PLXNB1: variants seen among roughly 807,000 people sequenced by gnomAD.
PLXNB1 encodes the protein plexin B1, also known as plexin-B1.
Under a neutral mutation model 209.4 loss-of-function variants are expected in PLXNB1, and 106 were observed. The observed-to-expected ratio is 0.51, with a 90% CI of 0.43 to 0.59. The LOEUF is 0.59. Among genes scored for constraint, PLXNB1 ranks in the 20% least tolerant of loss-of-function variants. The probability of loss-of-function intolerance (pLI) is 0.00; values close to 1 mark genes in which losing one functional copy is unlikely to be tolerated. For synonymous variants in PLXNB1, 1,167 were observed against 1,183.2 expected, an observed-to-expected ratio of 0.99 and a Z score of 0.28; for missense variants, 2,357 against 2,853.2, an observed-to-expected ratio of 0.83 and a Z score of 3.96.
intron 10 of PLXNB1, 46 bp downstream of exon 10, chr3:48,420,619 G>C (rs771152083): frequency 1.4e-6 from 2 of 1,481,220 alleles, no homozygotes; most frequent in Non-Finnish European, 1.9e-6. Flanking sequence ...TCTCACACTG[G>C]GACCCCCAAC....
At position 48,409,555 on chromosome 3, in the gene PLXNB1, C is replaced by A. The variant is rs553803489; in HGVS notation, c.5939+16G>T. 1.9e-6 allele frequency: 3 copies of A among 1,613,614 alleles called. No individual in the cohort carries two copies. Among genetic ancestry groups the A allele is most frequent in the Non-Finnish European group, 2.5e-6 (3 of 1,179,652 alleles). On this transcript the variant is annotated intron_variant, in intron 33 of 37. Transcript: ENST00000296440. The surrounding 1 kb of genome is among the most constrained non-coding windows in gnomAD (Gnocchi z 5.8). Reference sequence around the variant, plus strand: ...ACCCCCCACACACACCTAGAGCCCACCCAGCTCCACCCCACCTGTTGGTCT... The same window carrying A: ...ACCCCCCACACACACCTAGAGCCCAACCAGCTCCACCCCACCTGTTGGTCT...
chr3:48,420,899 G>T lies in PLXNB1; in HGVS notation c.1868C>A (p.Ser623Tyr). ...RFGAVVIAKT[S>Y]LSFYDCVAVT... Reference sequence around the variant, plus strand: ...CGCCACACAGTCATAGAAAGAGAGGGAAGTTTTGGCGATCACAACAGCGCC... The same window carrying T: ...CGCCACACAGTCATAGAAAGAGAGGTAAGTTTTGGCGATCACAACAGCGCC... The change falls in exon 9 of 38, where the codon TCC (serine) becomes TAC (tyrosine). Residue 623 changes from serine (S) to tyrosine (Y), a missense_variant. By Grantham distance (144) the Ser-to-Tyr change is moderately radical. This residue lies in a region of PLXNB1 where 214 missense variants were observed against 297.1 expected (regional missense o/e 0.72). Transcript: ENST00000296440. 1 of 1,614,126 alleles carries T rather than the reference G, an allele frequency of 6.2e-7. No individual in the cohort carries two copies. The highest frequency in any genetic ancestry group is 8.5e-7 in the Non-Finnish European group (1 of 1,179,968).
chr3:48,420,327 G>T (rs1406724161), intron 10 of PLXNB1, 70 bp from the exon 11 acceptor site: 1 of 855,996 alleles, frequency 1.2e-6, no homozygotes, highest in African/African-American at 1.7e-5. Context: ...AGGCAGGCAG[G>T]CACAGTGTAT....
At position 48,420,180 on chromosome 3, in the gene PLXNB1, G is replaced by C; in HGVS notation, c.2106C>G (p.Ala702=). ...CGGGAAGGGTGTCAGGAGCAGGGGT[G>C]GCCAGGGCTTTGGGGGCTGTGGGTG... ...PSPPTAPKAL[A]TPAPDTLPVE... The change falls in exon 11 of 38, where the codon GCC becomes GCG. Residue 702 remains alanine (A), a synonymous_variant. Coordinates refer to ENST00000296440, the MANE Select transcript of PLXNB1 (RefSeq NM_001130082.3). 1 of 1,590,672 alleles carries C rather than the reference G, an allele frequency of 6.3e-7. No individual in the cohort carries two copies. Among genetic ancestry groups the C allele is most frequent in the African/African-American group, 1.3e-5 (1 of 74,488 alleles).
rs2037882359 is a variant in PLXNB1 at position 48,413,948 on chromosome 3, G to T, written c.4333C>A (p.Leu1445Met). ...TCTCGGAGGGCATGGTGCCGTGGCA[G>T]GGGCTGCTCCACGGGGGGCTCGCAG... ...LYCEPPVEQP[L>M]PRHHALREAP... Residue 1445 changes from leucine to methionine, a missense_variant, in exon 22 of 38, where the codon CTG (leucine) becomes ATG (methionine). Coordinates refer to ENST00000296440, the MANE Select transcript of PLXNB1 (RefSeq NM_001130082.3). The surrounding 1 kb of genome is among the most constrained non-coding windows in gnomAD (Gnocchi z 5.4). 1.2e-6 allele frequency: 2 copies of T among 1,613,174 alleles called. No homozygotes were observed. The highest frequency in any genetic ancestry group is 2.7e-5 in the African/African-American group (2 of 74,938).
chr3:48,420,026 G>A lies in PLXNB1; in HGVS notation c.2260C>T (p.Pro754Ser). The change falls in exon 11 of 38, where the codon CCT becomes TCT. Residue 754 changes from proline to serine, a missense_variant. By Grantham distance (74) the Pro-to-Ser change is moderately conservative (BLOSUM62 -1). Transcript: ENST00000296440. ...SISSPGSTGS[P>S]LHEEPSPPSP... ...GGAGGGGAGGGCTCCTCATGGAGAGGCGACCCTGTGGAGCCAGGGGAAGAT... is the reference window on the plus strand; with the variant it reads ...GGAGGGGAGGGCTCCTCATGGAGAGACGACCCTGTGGAGCCAGGGGAAGAT... 1.2e-6 allele frequency: 2 copies of A among 1,608,888 alleles called. No homozygotes were observed. Among genetic ancestry groups the A allele is most frequent in the Non-Finnish European group, 8.5e-7 (1 of 1,176,668 alleles).
At chr3:48,425,805 AACACACACACACACAC>A (rs1166591503) in intron 1 of PLXNB1, among the ~76,000 whole-genome samples, 3 of 145,382 alleles carry the variant, frequency 2.1e-5, no homozygotes, top group Admixed American at 2.1e-4. Flanking sequence ...ATATGCCTAC[AACACACACACACACAC>A]ACACACACAC....
rs550846457 is a variant in PLXNB1 at position 48,420,156 on chromosome 3, G to C, written c.2130C>G (p.Pro710=). The C allele has an allele frequency of 1.1e-5, 18 of 1,607,368 alleles. No homozygotes were observed. The highest frequency in any genetic ancestry group is 9.4e-5 in the African/African-American group (7 of 74,850). The change falls in exon 11 of 38, where the codon CCC becomes CCG. Residue 710 remains proline, a synonymous_variant. Transcript: ENST00000296440. ...CTGTGGAGGGAGCCCCAGGCTCCAC[G>C]GGAAGGGTGTCAGGAGCAGGGGTGG... ...ALATPAPDTL[P]VEPGAPSTAT...
Position 48,405,585 on chromosome 3 carries a change from C to G in PLXNB1, c.6303+139G>C, listed in dbSNP as rs1560042111. ...GCCCGCCTGGAAAACACTTCTCAAG[C>G]CACCAAGGGGCCCGGCCCCCCACTA... On this transcript the variant is annotated intron_variant, in intron 37 of 37. Coordinates refer to ENST00000296440, the MANE Select transcript of PLXNB1 (RefSeq NM_001130082.3). The surrounding 1 kb of genome is among the most constrained non-coding windows in gnomAD (Gnocchi z 5.0). 1.5e-6 allele frequency: 1 copy of G among 646,332 alleles called. No homozygotes were observed. 40.0% of individuals were successfully genotyped at this position (646,332 alleles called of 1,614,324 possible).
intron 1 of PLXNB1, among the ~76,000 whole-genome samples, chr3:48,428,992 G>A (rs1053163089): frequency 1.3e-5 from 2 of 152,210 alleles, no homozygotes; most frequent in African/African-American, 4.8e-5. Flanking sequence ...CTGGGAGGGC[G>A]GGGAAGGGGC....
intron 8 of PLXNB1, 27 bp downstream of exon 8, chr3:48,421,201 A>G (rs1324775138): frequency 2.1e-5 from 34 of 1,607,994 alleles, no homozygotes; most frequent in Non-Finnish European, 2.8e-5. Context: ...GCTGGCCCCC[A>G]CCAGGCTGGC....
At chr3:48,428,967 A>T (rs1458664022) in intron 1 of PLXNB1, among the ~76,000 whole-genome samples, 1 of 151,950 alleles carries the variant, frequency 6.6e-6, no homozygotes, top group East Asian at 1.9e-4. Flanking sequence ...CGAGGCGAGG[A>T]CCCCATCACT....
chr3:48,412,691 T>TGGAGAA, intron 25 of PLXNB1, 51 bp downstream of exon 25: 1 of 1,604,156 alleles, frequency 6.2e-7, no homozygotes, highest in Non-Finnish European at 8.5e-7. Flanking sequence ...AACCATGCCC[T>TGGAGAA]GGAGAAGGGG....
In PLXNB1 at chr3:48,414,884, T is replaced by A. The variant is rs567555715; in HGVS notation, c.4124A>T (p.Glu1375Val). 2 of 1,613,846 alleles carry A rather than the reference T, an allele frequency of 1.2e-6. No individual in the cohort carries two copies. The highest frequency in any genetic ancestry group is 1.7e-6 in the Non-Finnish European group (2 of 1,180,042). The change falls in exon 21 of 38, where the codon GAG (glutamate) becomes GTG (valine). Residue 1375 changes from glutamate (E) to valine (V), a missense_variant. By Grantham distance (121) the Glu-to-Val change is moderately radical (BLOSUM62 -2). Coordinates refer to ENST00000296440, the MANE Select transcript of PLXNB1 (RefSeq NM_001130082.3). ...ATLNPTPFSY[E>V]ADPTLQPLNP... is the part of the protein sequence containing the mutation. ...GAGTGGCTGCAGGGTGGGGTCGGCC[T>A]CATAGGAGAAAGGTGTGGGGTTCAG...
chr3:48,411,025 T>G lies in PLXNB1; in HGVS notation c.5259A>C (p.Ala1753=), dbSNP rs1350083201. The change falls in exon 29 of 38, where the codon GCA becomes GCC. Residue 1753 remains alanine (A), a synonymous_variant. Transcript: ENST00000296440. The surrounding 1 kb of genome is among the most constrained non-coding windows in gnomAD (Gnocchi z 4.0). ...CTGCCCCAGGCCCCACAGCCAATAG[T>G]GCATTCAAGGTCTGTGCAGGACACA... ...DVEYRPLTLN[A]LLAVGPGAGE... 1 of 1,613,364 alleles carries G rather than the reference T, an allele frequency of 6.2e-7. No individual in the cohort carries two copies. Among genetic ancestry groups the G allele is most frequent in the African/African-American group, 1.3e-5 (1 of 75,036 alleles).
In PLXNB1 at chr3:48,419,441, G is replaced by C; in HGVS notation, c.2710-75C>G. On this transcript the variant is annotated intron_variant, in intron 11 of 37. Coordinates refer to ENST00000296440, the MANE Select transcript of PLXNB1 (RefSeq NM_001130082.3). This position sits in a 1 kb window ranked among gnomAD's most constrained non-coding sequence, Gnocchi z 5.7. ...CAGCCCTCTGCCTTGCCAGATTCCAGAGGCAAGGCCGGTGTGGGGCTGCAG... is the reference window on the plus strand; with the variant it reads ...CAGCCCTCTGCCTTGCCAGATTCCACAGGCAAGGCCGGTGTGGGGCTGCAG... The C allele has an allele frequency of 2.0e-6, 3 of 1,509,322 alleles. No individual in the cohort carries two copies. The South Asian group carries it at 3.9e-5, about 20-fold the overall frequency. The allele number at this position is 1,509,322 out of a possible 1,614,324, so 93.5% of individuals were successfully genotyped here.
In PLXNB1 at chr3:48,423,457, GC is replaced by G. The variant is rs770047192; in HGVS notation, c.1107+47del. ...GCAGCTCCTTGGCTGCAAATGCTTGGCCAGTGGCCTCAGAGAGGCGGAAAAG... is the reference window on the plus strand; with the variant it reads ...GCAGCTCCTTGGCTGCAAATGCTTGGCAGTGGCCTCAGAGAGGCGGAAAAG... On this transcript the variant is annotated intron_variant, in intron 3 of 37. Transcript: ENST00000296440. 5 of 1,581,468 alleles carry G rather than the reference GC, an allele frequency of 3.2e-6. No individual in the cohort carries two copies. In the African/African-American group the frequency reaches 4.0e-5, roughly 13 times the overall value.
rs748256104 is a variant in PLXNB1, at chr3:48,404,535, C to T, written c.6359G>A (p.Arg2120Gln). Residue 2120 changes from arginine (R) to glutamine (Q), a missense_variant, in exon 38 of 38, where the codon CGG (arginine) becomes CAG (glutamine). Transcript: ENST00000296440. The stretch of plus-strand genomic sequence containing the variant: ...CACAGCAGCTGCAATCTGCTGGAGC[C>T]GATAGCCCAGCTGCATCTTCTGGGC... ...GTAQKMQLGY[R>Q]LQQIAAAVEN... 3.1e-6 allele frequency: 5 copies of T among 1,613,844 alleles called. No individual in the cohort carries two copies. The highest frequency in any genetic ancestry group is 3.3e-4 in the Middle Eastern group (2 of 6,058).
rs2037682150 is a variant in PLXNB1, at chr3:48,411,498, T to G, written c.5247+365A>C. ...ACCCAGAGAGAAGTGCCTGCCAGAGTGAGGCTGGCTTGGTGGGCAAGGCCG... is the reference window on the plus strand; with the variant it reads ...ACCCAGAGAGAAGTGCCTGCCAGAGGGAGGCTGGCTTGGTGGGCAAGGCCG... On this transcript the variant is annotated intron_variant, in intron 28 of 37. Coordinates refer to ENST00000296440, the MANE Select transcript of PLXNB1 (RefSeq NM_001130082.3). The surrounding 1 kb of genome is among the most constrained non-coding windows in gnomAD (Gnocchi z 4.0). Among the ~76,000 whole-genome samples, 1 of 151,920 alleles carries G rather than the reference T, an allele frequency of 6.6e-6. No homozygotes were observed. The highest frequency in any genetic ancestry group is 1.5e-5 in the Non-Finnish European group (1 of 67,968).
Sources: allele counts gnomAD v4.1 joint callset (sites outside exome capture counted in the v4.1 genomes callset), GRCh38; gene constraint gnomAD v4.1.1; regional missense constraint gnomAD v4.1.1; non-coding constraint Gnocchi (gnomAD v3.1); transcripts MANE v1.5; gene names NCBI Gene and HGNC (gene_info 2026-07-23, HGNC 2026-07-21).